Variants in FSTL4 observed in about 807,000 individuals in gnomAD.
FSTL4 encodes follistatin-related protein 4.
A neutral mutation model predicts 78.2 loss-of-function variants in FSTL4; 28 were observed. That is an observed-to-expected ratio of 0.36 (90% CI 0.27 to 0.49). FSTL4 has a LOEUF of 0.49. Among genes scored for constraint, FSTL4 ranks in the 20% least tolerant of loss-of-function variants. The probability of loss-of-function intolerance (pLI) is 0.98; values close to 1 mark genes in which losing one functional copy is unlikely to be tolerated. For missense variants in FSTL4, 922 were observed against 1,084.9 expected (o/e 0.85, Z 2.11); for synonymous variants, 422 against 440.5 (o/e 0.96, Z 0.53).
At chr5:133,806,458 C>G in the FSTL4 span, among the ~76,000 whole-genome samples, 1 of 152,214 alleles carries the variant, frequency 6.6e-6, no homozygotes, top group Non-Finnish European at 1.5e-5. Flanking sequence ...AGCAGAGATG[C>G]ATGTCAGTAA....
At chr5:133,692,015 A>C in the FSTL4 span, among the ~76,000 whole-genome samples, 1 of 152,222 alleles carries the variant, frequency 6.6e-6, no homozygotes, top group Non-Finnish European at 1.5e-5. Context: ...CAGAGGGGGA[A>C]AACAAATACT....
chr5:133,707,554 G>T, the FSTL4 span, among the ~76,000 whole-genome samples: 1 of 152,266 alleles, frequency 6.6e-6, no homozygotes, highest in East Asian at 1.9e-4. Flanking sequence ...AGGAACAGGA[G>T]CCTGGAGCCC....
chr5:133,805,069 C>T, the FSTL4 span, among the ~76,000 whole-genome samples: 2 of 151,914 alleles, frequency 1.3e-5, no homozygotes, highest in Non-Finnish European at 2.9e-5. Context: ...TTCTTAATTC[C>T]CTCTGCTTGC....
At chr5:133,221,412 C>A (rs1055373127) in intron 11 of FSTL4, among the ~76,000 whole-genome samples, 2 of 149,548 alleles carry the variant, frequency 1.3e-5, no homozygotes, top group Admixed American at 1.3e-4. Context: ...CCTGCCCCCC[C>A]ACCGCCCCCC....
At chr5:133,628,033 A>G in the FSTL4 span, among the ~76,000 whole-genome samples, 1 of 152,192 alleles carries the variant, frequency 6.6e-6, no homozygotes, top group Non-Finnish European at 1.5e-5. Flanking sequence ...TAAGGAAATT[A>G]AGGCAGAAAT....
chr5:133,452,391 T>C (rs1277784285), intron 3 of FSTL4, among the ~76,000 whole-genome samples: 1 of 152,252 alleles, frequency 6.6e-6, no homozygotes, highest in Non-Finnish European at 1.5e-5. Context: ...AGGAAAACAA[T>C]GCAGGAATTC....
At chr5:133,819,314 C>T in the FSTL4 span, among the ~76,000 whole-genome samples, 1 of 152,064 alleles carries the variant, frequency 6.6e-6, no homozygotes, top group African/African-American at 2.4e-5. Context: ...GAAGCCTTCC[C>T]TTCTGAGTTT....
chr5:133,244,029 G>A (rs1226805978), intron 7 of FSTL4: 8 of 152,366 alleles, frequency 5.3e-5, no homozygotes, highest in Non-Finnish European at 8.8e-5. Flanking sequence ...GGGTTTGCAT[G>A]TTCTGTTTCT....
chr5:133,802,560 G>A, the FSTL4 span, among the ~76,000 whole-genome samples: 10 of 152,196 alleles, frequency 6.6e-5, 1 homozygote, highest in African/African-American at 2.4e-4. Context: ...GCTGGGAAAG[G>A]GCCTGGCTGG....
intron 1 of FSTL4, among the ~76,000 whole-genome samples, chr5:133,607,202 T>G (rs1467332011): frequency 6.6e-6 from 1 of 152,212 alleles, no homozygotes; most frequent in Non-Finnish European, 1.5e-5. Context: ...AGATGTCATT[T>G]TATACTTAAC....
intron 6 of FSTL4, among the ~76,000 whole-genome samples, chr5:133,261,934 G>A (rs1561648147): frequency 1.3e-5 from 2 of 151,902 alleles, no homozygotes; most frequent in East Asian, 1.9e-4. Flanking sequence ...GGAGGTTGTC[G>A]TGAGCTGAGA....
chr5:133,778,648 C>G, the FSTL4 span, among the ~76,000 whole-genome samples: 1 of 152,168 alleles, frequency 6.6e-6, no homozygotes, highest in Non-Finnish European at 1.5e-5. Context: ...GAGCAGGTGC[C>G]TCTGGGAGAG....
At chr5:133,311,972 C>T (rs1753795626) in intron 6 of FSTL4, among the ~76,000 whole-genome samples, 1 of 152,190 alleles carries the variant, frequency 6.6e-6, no homozygotes, top group South Asian at 2.1e-4. Flanking sequence ...GCTCTTGTAT[C>T]TTGCATTTCT....
At chr5:133,360,727 T>C (rs1226148154) in intron 4 of FSTL4, among the ~76,000 whole-genome samples, 5 of 152,174 alleles carry the variant, frequency 3.3e-5, no homozygotes, top group Non-Finnish European at 5.9e-5. Flanking sequence ...GTTTTCAACG[T>C]CCACTTTAAT....
chr5:133,402,181 C>T (rs548525023), intron 3 of FSTL4, among the ~76,000 whole-genome samples: 11 of 152,258 alleles, frequency 7.2e-5, no homozygotes, highest in Middle Eastern at 3.4e-3. Context: ...TGGAAACGGG[C>T]GCTGCCACAT....
Position 133,225,310 on chromosome 5 carries a change from G to GGACT in FSTL4, c.1178-30_1178-27dup, listed in dbSNP as rs769093508. 14 of 1,613,702 alleles carry GGACT rather than the reference G, an allele frequency of 8.7e-6. No individual in the cohort carries two copies. In the Admixed American group the frequency reaches 1.5e-4, roughly 17 times the overall value. ...CTGCAGACAGGACAGTGCTCAGGGT[G>GGACT]GACTGCTCAGCTGGAGACCCACTCA... is the stretch of plus-strand genomic sequence containing the variant. On this transcript the variant is annotated intron_variant, in intron 9 of 15. Transcript: ENST00000265342. This position sits in a 1 kb window ranked among gnomAD's most constrained non-coding sequence, Gnocchi z 4.6.
chr5:133,494,229 G>C (rs1274020505), intron 3 of FSTL4, among the ~76,000 whole-genome samples: 2 of 152,152 alleles, frequency 1.3e-5, no homozygotes, highest in Non-Finnish European at 2.9e-5. Context: ...AAAAGGAAGA[G>C]ATTTCCACTT....
intron 3 of FSTL4, among the ~76,000 whole-genome samples, chr5:133,420,506 G>A (rs1323595142): frequency 6.6e-6 from 1 of 152,194 alleles, no homozygotes; most frequent in Non-Finnish European, 1.5e-5. Context: ...GCAATCCAGG[G>A]CTTCACACCT....
At chr5:133,427,668 G>A in intron 3 of FSTL4, 1 of 530,494 alleles carries the variant, frequency 1.9e-6, no homozygotes, top group Non-Finnish European at 3.9e-6. Flanking sequence ...TAGTTCTGAG[G>A]CAGGGTCTAG....
Sources: gnomAD v4.1 joint callset for allele counts (sites outside exome capture counted in the v4.1 genomes callset) on GRCh38, gnomAD v4.1.1 for gene constraint, Gnocchi (gnomAD v3.1) non-coding constraint, MANE v1.5 for transcripts, NCBI Gene and HGNC (gene_info 2026-07-23, HGNC 2026-07-21) for gene names.